The following SLC30A9 variants were observed in gnomAD, a reference collection of about 807,000 sequenced individuals.
SLC30A9 encodes proton-coupled zinc antiporter SLC30A9, mitochondrial.
Under a neutral mutation model 87.5 loss-of-function variants are expected in SLC30A9, and 58 were observed. The observed-to-expected ratio is 0.66, with a 90% CI of 0.54 to 0.82. The LOEUF is 0.82. Among genes scored for constraint, SLC30A9 ranks in the 40% least tolerant of loss-of-function variants. The pLI is 0.00. For missense variants in SLC30A9, 557 were observed against 679.1 expected, an observed-to-expected ratio of 0.82 and a Z score of 2.00; for synonymous variants, 234 against 233.0, an observed-to-expected ratio of 1.00 and a Z score of -0.04.
Position 42,065,377 on chromosome 4 carries a change from A to C in SLC30A9, c.1072+28A>C, listed in dbSNP as rs1282931920. On this transcript the variant is annotated intron_variant, in intron 12 of 17. Coordinates refer to ENST00000264451, the MANE Select transcript of SLC30A9 (RefSeq NM_006345.4). ...ATGTACTGTCACAAAGTATGTCTCT[A>C]TTCTTAATTTAGTAATATATATTCA... The C allele has an allele frequency of 2.5e-6, 3 of 1,181,448 alleles. No individual in the cohort carries two copies. The South Asian group carries it at 3.7e-5, about 14-fold the overall frequency. 73.2% of individuals were successfully genotyped at this position (1,181,448 alleles called of 1,614,324 possible).
chr4:42,038,054 G>C (rs1321372856), intron 7 of SLC30A9, among the ~76,000 whole-genome samples: 2 of 152,188 alleles, frequency 1.3e-5, no homozygotes, highest in Non-Finnish European at 2.9e-5. Flanking sequence ...TTACAAGCGT[G>C]AGCCACTGCG....
chr4:42,024,513 C>A (rs116803134), intron 6 of SLC30A9, among the ~76,000 whole-genome samples: 5,045 of 152,190 alleles, frequency 0.033, 271 homozygotes, highest in African/African-American at 0.11. Context: ...AAGAATACAT[C>A]AATAAATATT....
intron 6 of SLC30A9, among the ~76,000 whole-genome samples, chr4:42,032,828 G>A (rs1424841368): frequency 6.6e-6 from 1 of 152,164 alleles, no homozygotes; most frequent in East Asian, 1.9e-4. Flanking sequence ...GATTCATCTT[G>A]TACGTTTCCT....
At chr4:42,083,634 CATTT>C in intron 17 of SLC30A9, among the ~76,000 whole-genome samples, 1 of 150,060 alleles carries the variant, frequency 6.7e-6, no homozygotes, top group African/African-American at 2.4e-5. Flanking sequence ...TATTAGTACA[CATTT>C]ATTTATATCA....
intron 15 of SLC30A9, among the ~76,000 whole-genome samples, chr4:42,074,655 C>G (rs929305025): frequency 6.6e-6 from 1 of 152,058 alleles, no homozygotes; most frequent in Admixed American, 6.6e-5. Context: ...TTATGCCACT[C>G]TAGGATGGTT....
At chr4:42,035,198 G>A in intron 6 of SLC30A9, 77 bp from the exon 7 acceptor site, 15 of 1,427,296 alleles carry the variant, frequency 1.1e-5, no homozygotes, top group Non-Finnish European at 1.4e-5. Context: ...ACATAGTCCT[G>A]AAGAGAATAT....
intron 6 of SLC30A9, among the ~76,000 whole-genome samples, chr4:42,033,251 C>G (rs565280485): frequency 6.6e-6 from 1 of 151,980 alleles, no homozygotes; most frequent in Non-Finnish European, 1.5e-5. Context: ...TCAGAGAACT[C>G]TAGCTTCCAT....
In SLC30A9 at chr4:42,015,823, C is replaced by G. The variant is rs542102077; in HGVS notation, c.275-2288C>G. Among the ~76,000 whole-genome samples, 8 of 152,066 alleles carry G rather than the reference C, an allele frequency of 5.3e-5. No individual in the cohort carries two copies. The South Asian group carries it at 1.7e-3, about 32-fold the overall frequency. Reference sequence around the variant, plus strand: ...GCTGTTTTCAGGAGGTTCCAGTGATCTTCATGTTGGTAATCTAGTATCTAT... The same window carrying G: ...GCTGTTTTCAGGAGGTTCCAGTGATGTTCATGTTGGTAATCTAGTATCTAT... On this transcript the variant is annotated intron_variant, in intron 2 of 17. Transcript: ENST00000264451.
chr4:42,017,042 C>T (rs1184243293), intron 2 of SLC30A9, among the ~76,000 whole-genome samples: 1 of 152,138 alleles, frequency 6.6e-6, no homozygotes, highest in East Asian at 1.9e-4. Context: ...GTATTGTGCC[C>T]ATTTATATTT....
intron 1 of SLC30A9, among the ~76,000 whole-genome samples, chr4:42,000,360 A>G (rs1418408142): frequency 6.6e-6 from 1 of 152,130 alleles, no homozygotes; most frequent in African/African-American, 2.4e-5. Flanking sequence ...TGTGTTTCCT[A>G]TGAAAATCTG....
At chr4:42,057,263 C>T (rs920528176) in intron 9 of SLC30A9, among the ~76,000 whole-genome samples, 2 of 152,166 alleles carry the variant, frequency 1.3e-5, no homozygotes, top group Admixed American at 6.5e-5. Context: ...CCCACATTTC[C>T]CTTAAGCACT....
chr4:42,026,684 T>G (rs1716204897), intron 6 of SLC30A9, among the ~76,000 whole-genome samples: 1 of 151,592 alleles, frequency 6.6e-6, no homozygotes, highest in South Asian at 2.1e-4. Flanking sequence ...TTTTGCCTTG[T>G]ATGGCTGTTA....
At chr4:42,075,099 A>G (rs1455359329) in intron 15 of SLC30A9, among the ~76,000 whole-genome samples, 1 of 82,968 alleles carries the variant, frequency 1.2e-5, no homozygotes, top group Admixed American at 2.1e-4. Context: ...TTTGAGACAG[A>G]GTCTTACTCT....
chr4:42,074,527 T>G (rs1035616467), intron 15 of SLC30A9, among the ~76,000 whole-genome samples: 4 of 152,160 alleles, frequency 2.6e-5, no homozygotes, highest in Non-Finnish European at 4.4e-5. Context: ...AGTATCTGCT[T>G]TCCTGTCTGG....
chr4:41,994,760 C>T (rs556976887), intron 1 of SLC30A9, among the ~76,000 whole-genome samples: 13 of 146,638 alleles, frequency 8.9e-5, no homozygotes, highest in South Asian at 2.2e-4. Flanking sequence ...TGGTGGTGGG[C>T]GCCTGTAATG....
At chr4:42,013,364 T>C (rs1450263911) in intron 2 of SLC30A9, among the ~76,000 whole-genome samples, 1 of 152,120 alleles carries the variant, frequency 6.6e-6, no homozygotes, top group Non-Finnish European at 1.5e-5. Context: ...GTCTTACTCT[T>C]TCTCAGATAC....
At chr4:42,056,788 G>A (rs966274685) in intron 9 of SLC30A9, among the ~76,000 whole-genome samples, 3 of 152,168 alleles carry the variant, frequency 2.0e-5, no homozygotes, top group African/African-American at 7.2e-5. Flanking sequence ...TCAAAAGCAG[G>A]TTAGTTATTT....
intron 11 of SLC30A9, among the ~76,000 whole-genome samples, chr4:42,064,955 A>G (rs776526101): frequency 4.6e-5 from 7 of 151,966 alleles, no homozygotes; most frequent in South Asian, 2.1e-4. Flanking sequence ...TTAATTGAAG[A>G]GTGTCCTGGG....
At chr4:42,060,018 T>A (rs547559902) in intron 9 of SLC30A9, among the ~76,000 whole-genome samples, 173 bp from the exon 10 acceptor site, 1 of 152,248 alleles carries the variant, frequency 6.6e-6, no homozygotes, top group South Asian at 2.1e-4. Flanking sequence ...CCCCTTTGAG[T>A]TCATCTTTAT....
Sources: gnomAD v4.1 joint callset for allele counts (sites outside exome capture counted in the v4.1 genomes callset) on GRCh38, gnomAD v4.1.1 for gene constraint, MANE v1.5 for transcripts, NCBI Gene and HGNC (gene_info 2026-07-23, HGNC 2026-07-21) for gene names.